Variants in SCD5 observed in about 807,000 individuals in gnomAD.
SCD5 encodes the protein acyl-CoA-desaturase 4.
A neutral mutation model predicts 30.4 loss-of-function variants in SCD5; 20 were observed. The observed-to-expected ratio is 0.66, with a 90% CI of 0.46 to 0.96. The LOEUF is 0.96. Ranked by LOEUF, SCD5 falls within the 40% of genes least tolerant of loss-of-function variation. The pLI is 0.00. For synonymous variants in SCD5, 173 were observed against 176.4 expected (o/e 0.98, Z 0.16); for missense variants, 381 against 443.3 (o/e 0.86, Z 1.26).
At chr4:82,781,436 A>T (rs1721871134) in intron 1 of SCD5, among the ~76,000 whole-genome samples, 1 of 151,876 alleles carries the variant, frequency 6.6e-6, no homozygotes, top group South Asian at 2.1e-4. Context: ...AGAAAGAAAG[A>T]AAAAAGGACT....
intron 1 of SCD5, among the ~76,000 whole-genome samples, chr4:82,752,780 T>C (rs986695451): frequency 2.0e-5 from 3 of 152,130 alleles, no homozygotes; most frequent in Admixed American, 6.6e-5. Flanking sequence ...CAGCTACATC[T>C]GTTTCCCTTT....
chr4:82,751,387 T>C (rs1721099103), intron 1 of SCD5, among the ~76,000 whole-genome samples: 1 of 152,138 alleles, frequency 6.6e-6, no homozygotes, highest in African/African-American at 2.4e-5. Context: ...GAGGACTAAC[T>C]ACTTGCATTC....
intron 1 of SCD5, among the ~76,000 whole-genome samples, chr4:82,756,263 A>G (rs1272077278): frequency 6.6e-6 from 1 of 151,952 alleles, no homozygotes; most frequent in Non-Finnish European, 1.5e-5. Flanking sequence ...GGTCATCGAG[A>G]CCCCCTCTCC....
chr4:82,657,992 T>G (rs1469609997), intron 3 of SCD5, among the ~76,000 whole-genome samples: 5 of 152,218 alleles, frequency 3.3e-5, no homozygotes, highest in Non-Finnish European at 7.3e-5. Context: ...AAGGAGATTT[T>G]GGGCTAAGAT....
intron 1 of SCD5, among the ~76,000 whole-genome samples, chr4:82,715,236 GA>G (rs34012730): frequency 0.015 from 1,987 of 134,958 alleles, 63 homozygotes; most frequent in African/African-American, 0.048. Flanking sequence ...GACTCCGTCT[GA>G]AAAAAAAAAA....
At chr4:82,667,089 C>T (rs913290754) in intron 3 of SCD5, among the ~76,000 whole-genome samples, 1 of 152,104 alleles carries the variant, frequency 6.6e-6, no homozygotes, top group African/African-American at 2.4e-5. Flanking sequence ...AAACAGCAGT[C>T]CCAGAATCCA....
chr4:82,762,403 C>G lies in SCD5; in HGVS notation c.232+35903G>C, dbSNP rs183319382. Among the ~76,000 whole-genome samples, 353 of 151,966 alleles carry G rather than the reference C, an allele frequency of 2.3e-3. 1 individual carries two copies. Among genetic ancestry groups the G allele is most frequent in the African/African-American group, 8.1e-3 (335 of 41,490 alleles). ...AAGTAGGTGGGATTGCAGGCACACC[C>G]CAGGTATTTTTGTATTTTTAGTAAA... is the stretch of plus-strand genomic sequence containing the variant. On this transcript the variant is annotated intron_variant, in intron 1 of 4. Transcript: ENST00000319540.
At chr4:82,786,815 G>A (rs937768359) in intron 1 of SCD5, among the ~76,000 whole-genome samples, 30 of 141,602 alleles carry the variant, frequency 2.1e-4, no homozygotes, top group African/African-American at 6.8e-4. Context: ...AAAAAAACAA[G>A]GCAATCTTCA....
chr4:82,798,646 G>C lies in SCD5; in HGVS notation c.-109C>G. The C allele has an allele frequency of 1.1e-6, 1 of 911,486 alleles. No individual in the cohort carries two copies. Among genetic ancestry groups the C allele is most frequent in the Non-Finnish European group, 1.6e-6 (1 of 619,938 alleles). The allele number at this position is 911,486 out of a possible 1,614,324, so 56.5% of individuals were successfully genotyped here. On this transcript the variant is annotated 5_prime_UTR_variant, in exon 1 of 5. Coordinates refer to ENST00000319540, the MANE Select transcript of SCD5 (RefSeq NM_001037582.3). ...TCTGCCTTTTAGGGGGGAATTCTCCGCACGTCCAGTCCCCTCCTTCCAGCC... is the reference window on the plus strand; with the variant it reads ...TCTGCCTTTTAGGGGGGAATTCTCCCCACGTCCAGTCCCCTCCTTCCAGCC...
At chr4:82,769,605 G>A (rs1202444894) in intron 1 of SCD5, among the ~76,000 whole-genome samples, 6 of 152,100 alleles carry the variant, frequency 3.9e-5, no homozygotes, top group African/African-American at 1.4e-4. Flanking sequence ...AGAATTTCCT[G>A]TAGTTGAGAG....
chr4:82,633,824 A>G (rs1344267185), intron 4 of SCD5, among the ~76,000 whole-genome samples: 1 of 152,170 alleles, frequency 6.6e-6, no homozygotes, highest in Non-Finnish European at 1.5e-5. Context: ...ATGGCTTTTA[A>G]TATATTCACA....
At chr4:82,634,392 G>T (rs988043829) in intron 4 of SCD5, among the ~76,000 whole-genome samples, 2 of 152,088 alleles carry the variant, frequency 1.3e-5, no homozygotes, top group African/African-American at 4.8e-5. Flanking sequence ...CATGTTTAAA[G>T]GATTTCGCTC....
intron 2 of SCD5, among the ~76,000 whole-genome samples, chr4:82,688,435 T>G (rs564709442): frequency 6.6e-6 from 1 of 152,288 alleles, no homozygotes; most frequent in African/African-American, 2.4e-5. Flanking sequence ...TTACTAGAGA[T>G]AGACTTTATC....
intron 1 of SCD5, among the ~76,000 whole-genome samples, chr4:82,735,321 T>C (rs4693508): frequency 0.53 from 80,121 of 151,966 alleles, 22,288 homozygotes; most frequent in African/African-American, 0.69. Flanking sequence ...CAGATCTGAA[T>C]GACTGTGTGT....
rs576433209 is a variant in SCD5, at chr4:82,703,804, T to C, written c.363+1479A>G. 3.9e-5 allele frequency among the ~76,000 whole-genome samples: 6 copies of C among 152,326 alleles called. No individual in the cohort carries two copies. In the South Asian group the frequency reaches 1.2e-3, roughly 32 times the overall value. ...GTCATTGGAGGCTATAAAGAAAGGA[T>C]TGCTTGAACACAAGAAATGAAAATT... is the stretch of plus-strand genomic sequence containing the variant. On this transcript the variant is annotated intron_variant, in intron 2 of 4. Coordinates refer to ENST00000319540, the MANE Select transcript of SCD5 (RefSeq NM_001037582.3).
At chr4:82,643,613 G>A (rs1038161928) in intron 3 of SCD5, among the ~76,000 whole-genome samples, 2 of 152,206 alleles carry the variant, frequency 1.3e-5, no homozygotes, top group Admixed American at 1.3e-4. Flanking sequence ...TATTGGGAAT[G>A]ATGACAAAGT....
In SCD5 at chr4:82,798,400, G is replaced by A. The variant is rs376676854; in HGVS notation, c.138C>T (p.Val46=). ...AGCTCATCAGGACGACATTCCTCCA[G>A]ACGATGTTCTGCCGCTGCCCGCGCG... ...PGARGQRQNI[V]WRNVVLMSLL... The change falls in exon 1 of 5, where the codon GTC becomes GTT. Residue 46 remains valine, a synonymous_variant. Coordinates refer to ENST00000319540, the MANE Select transcript of SCD5 (RefSeq NM_001037582.3). 9.3e-6 allele frequency: 15 copies of A among 1,613,398 alleles called. No individual in the cohort carries two copies. The highest frequency in any genetic ancestry group is 1.6e-4 in the Middle Eastern group (1 of 6,082).
intron 1 of SCD5, among the ~76,000 whole-genome samples, chr4:82,777,218 T>A (rs1347520130): frequency 9.9e-5 from 15 of 152,210 alleles, no homozygotes; most frequent in Admixed American, 9.8e-4. Flanking sequence ...ATGGCGAGAA[T>A]CTAAGTTACT....
chr4:82,795,598 C>T (rs1354138285), intron 1 of SCD5, among the ~76,000 whole-genome samples: 1 of 151,314 alleles, frequency 6.6e-6, no homozygotes, highest in Admixed American at 6.6e-5. Context: ...GGGAGGACTG[C>T]TTGAGCCCAG....
Sources: allele counts gnomAD v4.1 joint callset (sites outside exome capture counted in the v4.1 genomes callset), GRCh38; gene constraint gnomAD v4.1.1; transcripts MANE v1.5; gene names NCBI Gene and HGNC (gene_info 2026-07-23, HGNC 2026-07-21).